Variants in JPH2 observed in about 807,000 individuals in gnomAD.
JPH2 encodes junctophilin-2.
Under a neutral mutation model 55.9 loss-of-function variants are expected in JPH2, and 38 were observed. That is an observed-to-expected ratio of 0.68 (90% confidence interval 0.52 to 0.89). The LOEUF is 0.89. Among genes scored for constraint, JPH2 ranks in the 40% least tolerant of loss-of-function variants. JPH2 has a pLI of 0.00. For missense variants in JPH2, 964 were observed against 1,037.6 expected, an observed-to-expected ratio of 0.93 and a Z score of 0.97; for synonymous variants, 480 against 472.4, an observed-to-expected ratio of 1.02 and a Z score of -0.21.
Position 44,151,320 on chromosome 20 carries a change from C to T in JPH2, c.1169+8298G>A, listed in dbSNP as rs536058535. Among the ~76,000 whole-genome samples the T allele has an allele frequency of 3.9e-5, 6 of 152,196 alleles. No individual in the cohort carries two copies. In the South Asian group the frequency reaches 1.0e-3, roughly 26 times the overall value. On this transcript the variant is annotated intron_variant, in intron 2 of 5. Coordinates refer to ENST00000372980, the MANE Select transcript of JPH2 (RefSeq NM_020433.5). ...TCACCTGAGGTCAGGGGTTTGAGACCAGCCTGGCCAAAATGGACAAACCCC... is the reference window on the plus strand; with the variant it reads ...TCACCTGAGGTCAGGGGTTTGAGACTAGCCTGGCCAAAATGGACAAACCCC...
chr20:44,128,767 A>G (rs1363851744), intron 2 of JPH2, among the ~76,000 whole-genome samples: 5 of 151,970 alleles, frequency 3.3e-5, no homozygotes, highest in African/African-American at 1.2e-4. Flanking sequence ...GCTCACTGCA[A>G]CCTTGAACTC....
intron 2 of JPH2, among the ~76,000 whole-genome samples, chr20:44,119,102 T>C (rs2072215997): frequency 6.6e-6 from 1 of 152,202 alleles, no homozygotes; most frequent in Non-Finnish European, 1.5e-5. Flanking sequence ...ATACATAGGA[T>C]TACAAAAGGA....
Position 44,160,491 on chromosome 20 carries a change from G to C in JPH2, c.380-84C>G, listed in dbSNP as rs561135147. 3 of 1,455,602 alleles carry C rather than the reference G, an allele frequency of 2.1e-6. No individual in the cohort carries two copies. The South Asian group carries it at 3.6e-5, about 17-fold the overall frequency. The allele number at this position is 1,455,602 out of a possible 1,614,324, so 90.2% of individuals were successfully genotyped here. A position where few individuals can be genotyped will look rare whatever the true frequency, so the allele number is the denominator to read the frequency against. On this transcript the variant is annotated intron_variant, in intron 1 of 5. Coordinates refer to ENST00000372980, the MANE Select transcript of JPH2 (RefSeq NM_020433.5). The surrounding 1 kb of genome is among the most constrained non-coding windows in gnomAD (Gnocchi z 4.9). ...GTGGCCTGGGAGGGCAAGGGCGGGAGTGGGCAAGGCGGGGTGGGACCGAGA... is the reference window on the plus strand; with the variant it reads ...GTGGCCTGGGAGGGCAAGGGCGGGACTGGGCAAGGCGGGGTGGGACCGAGA...
At chr20:44,116,963 A>G (rs945446373) in intron 3 of JPH2, among the ~76,000 whole-genome samples, 2 of 152,158 alleles carry the variant, frequency 1.3e-5, no homozygotes, top group African/African-American at 4.8e-5. Context: ...TAGAAAACAC[A>G]CATCTGATCA....
intron 2 of JPH2, among the ~76,000 whole-genome samples, chr20:44,134,790 A>C (rs1388003165): frequency 1.0e-5 from 1 of 97,466 alleles, no homozygotes; most frequent in Non-Finnish European, 1.9e-5. Flanking sequence ...ATATACATAA[A>C]TATACATTTA....
At chr20:44,119,831 G>A (rs895643420) in intron 2 of JPH2, among the ~76,000 whole-genome samples, 6 of 144,544 alleles carry the variant, frequency 4.2e-5, no homozygotes, top group African/African-American at 7.8e-5. Context: ...CCGAGATTGC[G>A]CCAGTGCATT....
chr20:44,177,477 C>A, intron 1 of JPH2: 2 of 993,428 alleles, frequency 2.0e-6, no homozygotes, highest in Non-Finnish European at 2.4e-6. Context: ...GAAAACAAGG[C>A]CGTGGACAGG....
At chr20:44,148,485 A>C (rs931485452) in intron 2 of JPH2, among the ~76,000 whole-genome samples, 4 of 152,212 alleles carry the variant, frequency 2.6e-5, no homozygotes, top group African/African-American at 9.6e-5. Context: ...AGATGAGGAA[A>C]GGGAGTGTGG....
At chr20:44,132,341 G>T (rs564293366) in intron 2 of JPH2, among the ~76,000 whole-genome samples, 8 of 111,460 alleles carry the variant, frequency 7.2e-5, no homozygotes, top group Non-Finnish European at 1.1e-4. Flanking sequence ...AGGTGGAAGG[G>T]AGGCAGACAG....
chr20:44,148,607 C>T (rs890408260), intron 2 of JPH2, among the ~76,000 whole-genome samples: 4 of 152,196 alleles, frequency 2.6e-5, no homozygotes, highest in Non-Finnish European at 5.9e-5. Context: ...CGAGCTGCCG[C>T]GTGGCCTTAG....
chr20:44,107,518 T>C lies in JPH2; in HGVS notation c.*6000A>G, dbSNP rs2072115530. 1.3e-5 allele frequency among the ~76,000 whole-genome samples: 2 copies of C among 152,340 alleles called. No individual in the cohort carries two copies. The highest frequency in any genetic ancestry group is 1.9e-4 in the East Asian group (1 of 5,186). On this transcript the variant is annotated 3_prime_UTR_variant, in exon 6 of 6. Coordinates refer to ENST00000372980, the MANE Select transcript of JPH2 (RefSeq NM_020433.5). ...TTTAGGAAGCAAATTCCATCCTCCA[T>C]ACTCTCTTTCCTTTTCCTTTGGCAG... is the stretch of plus-strand genomic sequence containing the variant.
At chr20:44,140,017 G>C (rs996676248) in intron 2 of JPH2, among the ~76,000 whole-genome samples, 1 of 152,002 alleles carries the variant, frequency 6.6e-6, no homozygotes, top group Admixed American at 6.6e-5. Context: ...GACTACAGGC[G>C]CGTGCCACCT....
At chr20:44,178,737 A>T (rs946697440) in intron 1 of JPH2, among the ~76,000 whole-genome samples, 1 of 152,262 alleles carries the variant, frequency 6.6e-6, no homozygotes, top group Non-Finnish European at 1.5e-5. Context: ...ATTTACTCTG[A>T]TTTTATGACA....
At position 44,176,422 on chromosome 20, in the gene JPH2, C is replaced by T. The variant is rs13042795; in HGVS notation, c.379+9905G>A. Among the ~76,000 whole-genome samples, 1,279 of 149,882 alleles carry T rather than the reference C, an allele frequency of 8.5e-3. 10 individuals carry two copies. Among genetic ancestry groups the T allele is most frequent in the Non-Finnish European group, 0.013 (910 of 67,764 alleles). ...ATCCTCCTGCCTTGGCCTCTTAAAG[C>T]GCTGGCCTTCTCTGTACATCCCATC... On this transcript the variant is annotated intron_variant, in intron 1 of 5. Coordinates refer to ENST00000372980, the MANE Select transcript of JPH2 (RefSeq NM_020433.5).
At chr20:44,177,030 G>T in intron 1 of JPH2, 1 of 985,424 alleles carries the variant, frequency 1.0e-6, no homozygotes, top group Non-Finnish European at 1.2e-6. Flanking sequence ...TCACTCTGGA[G>T]TTCCTAGCAC....
rs147456054 is a variant in JPH2, at chr20:44,153,547, G to C, written c.1169+6071C>G. On this transcript the variant is annotated intron_variant, in intron 2 of 5. Transcript: ENST00000372980. ...GCCAGCATGGGGAGGAGATGGAGGT[G>C]GGGGGCTGAGGGGATAGAAGACAGA... 3.1e-3 allele frequency among the ~76,000 whole-genome samples: 479 copies of C among 152,308 alleles called. 1 individual carries two copies. The highest frequency in any genetic ancestry group is 7.3e-3 in the South Asian group (35 of 4,826).
At chr20:44,171,799 C>A (rs920316219) in intron 1 of JPH2, among the ~76,000 whole-genome samples, 14 of 152,178 alleles carry the variant, frequency 9.2e-5, no homozygotes, top group Non-Finnish European at 1.3e-4. Flanking sequence ...TTCATAAATT[C>A]TTCTATTTTT....
chr20:44,155,674 G>A (rs1252135653), intron 2 of JPH2, among the ~76,000 whole-genome samples: 2 of 152,138 alleles, frequency 1.3e-5, no homozygotes, highest in Non-Finnish European at 2.9e-5. Context: ...AACATCCTCA[G>A]TTTATAAGAA....
intron 2 of JPH2, among the ~76,000 whole-genome samples, chr20:44,144,412 T>C (rs1427519495): frequency 6.6e-6 from 1 of 152,164 alleles, no homozygotes; most frequent in Non-Finnish European, 1.5e-5. Flanking sequence ...CGCCTCGTAT[T>C]GTCCTCACCA....
Sources: allele counts gnomAD v4.1 joint callset (sites outside exome capture counted in the v4.1 genomes callset), GRCh38; gene constraint gnomAD v4.1.1; non-coding constraint Gnocchi (gnomAD v3.1); transcripts MANE v1.5; gene names NCBI Gene and HGNC (gene_info 2026-07-23, HGNC 2026-07-21).